The following RYR1 variants were observed in gnomAD, a reference collection of about 807,000 sequenced individuals.
The protein encoded by RYR1 is ryanodine receptor 1, also known as central core disease of muscle.
In RYR1, 342 loss-of-function variants were observed where a neutral mutation model predicts 583.5. That is an observed-to-expected ratio of 0.59 (90% CI 0.54 to 0.64). The LOEUF (loss-of-function observed/expected upper bound fraction) is 0.64. Among genes scored for constraint, RYR1 ranks in the 30% least tolerant of loss-of-function variants. The pLI is 0.00. For synonymous variants in RYR1, 2,791 were observed against 2,822.5 expected, an observed-to-expected ratio of 0.99 and a Z score of 0.35; for missense variants, 6,032 against 6,917.2, an observed-to-expected ratio of 0.87 and a Z score of 4.54.
intron 102 of RYR1, among the ~76,000 whole-genome samples, chr19:38,585,655 T>G (rs949666470): frequency 5.9e-5 from 9 of 151,426 alleles, no homozygotes; most frequent in Non-Finnish European, 2.9e-5. Flanking sequence ...TTTTATTTTT[T>G]TATTGTTAGT....
At chr19:38,498,352 G>GCAGAAGGA (rs1969942700) in intron 42 of RYR1, among the ~76,000 whole-genome samples, 1 of 152,088 alleles carries the variant, frequency 6.6e-6, no homozygotes, top group Non-Finnish European at 1.5e-5. Context: ...TGAGGGGAAG[G>GCAGAAGGA]CAGAAGGACA....
At chr19:38,492,457 A>C in intron 37 of RYR1, 33 bp from the exon 38 acceptor site, 1 of 1,613,566 alleles carries the variant, frequency 6.2e-7, no homozygotes, top group Non-Finnish European at 8.5e-7. Flanking sequence ...CAAACTAATG[A>C]ATGACATTTC....
intron 88 of RYR1, 130 bp from the exon 89 acceptor site, chr19:38,548,103 G>T (rs1972509239): frequency 1.0e-6 from 1 of 977,924 alleles, no homozygotes. Flanking sequence ...AGGGACCTGT[G>T]GAGGGGAGGC....
At chr19:38,584,160 G>A (rs978037736) in intron 101 of RYR1, among the ~76,000 whole-genome samples, 10 of 151,722 alleles carry the variant, frequency 6.6e-5, no homozygotes, top group African/African-American at 2.2e-4. Context: ...AAAGCTTCCA[G>A]TGCTTCCCCT....
Position 38,577,800 on chromosome 19 carries a change from A to C in RYR1, c.14173-118A>C. On this transcript the variant is annotated intron_variant, in intron 97 of 105. Transcript: ENST00000359596. ...GACAGAGGGAGACTGTCTCAAAAAA[A>C]AAAATGCACCTCCCATTTCTCACTC... The C allele has an allele frequency of 1.4e-6, 2 of 1,410,194 alleles. 1 individual carries two copies. Among genetic ancestry groups the C allele is most frequent in the South Asian group, 2.6e-5 (2 of 78,296 alleles). The allele number at this position is 1,410,194 out of a possible 1,614,324, so 87.4% of individuals were successfully genotyped here.
chr19:38,522,620 AAG>A (rs34878100), intron 67 of RYR1, among the ~76,000 whole-genome samples: 15 of 148,644 alleles, frequency 1.0e-4, no homozygotes, highest in Non-Finnish European at 1.2e-4. Flanking sequence ...GAAAGAAAGA[AAG>A]AGAGAGAGAG....
At chr19:38,514,283 T>A (rs1363092705) in intron 63 of RYR1, among the ~76,000 whole-genome samples, 1 of 64,440 alleles carries the variant, frequency 1.6e-5, no homozygotes, top group Non-Finnish European at 2.7e-5. Flanking sequence ...TTTTTTTTAA[T>A]TTTTTTTTTT....
Position 38,538,178 on chromosome 19 carries a change from T to C in RYR1, c.11689+218T>C, listed in dbSNP as rs2960312. Among the ~76,000 whole-genome samples, 6,029 of 152,116 alleles carry C rather than the reference T, an allele frequency of 0.04. 401 individuals are homozygous for C. The highest frequency in any genetic ancestry group is 0.14 in the African/African-American group (5,643 of 41,452). On this transcript the variant is annotated intron_variant, in intron 84 of 105. Coordinates refer to ENST00000359596, the MANE Select transcript of RYR1 (RefSeq NM_000540.3). ...TTTGGGAGGCAAAGGCTGGTGGATC[T>C]CCTGAGGTCAGGAGTTCGAGACCAG...
chr19:38,500,780 G>A lies in RYR1; in HGVS notation c.7445-41G>A, dbSNP rs753341929. The A allele has an allele frequency of 1.2e-6, 2 of 1,614,014 alleles. No homozygotes were observed. Among genetic ancestry groups the A allele is most frequent in the Admixed American group, 3.3e-5 (2 of 60,020 alleles). On this transcript the variant is annotated intron_variant, in intron 46 of 105. Coordinates refer to ENST00000359596, the MANE Select transcript of RYR1 (RefSeq NM_000540.3). This position sits in a 1 kb window ranked among gnomAD's most constrained non-coding sequence, Gnocchi z 5.9. ...AGTGATGCTGGGGAGGGAGCGGCTG[G>A]GTCCGCAGGGCATCCCCGAACCCAC...
chr19:38,577,800 A>G, intron 97 of RYR1, 118 bp from the exon 98 acceptor site: 1 of 1,410,194 alleles, frequency 7.1e-7, no homozygotes, highest in African/African-American at 1.4e-5. Context: ...TCTCAAAAAA[A>G]AAAATGCACC....
chr19:38,494,838 A>T (rs917173975), intron 39 of RYR1, among the ~76,000 whole-genome samples: 1 of 140,942 alleles, frequency 7.1e-6, no homozygotes, highest in African/African-American at 2.7e-5. Flanking sequence ...TCAGCAGGAC[A>T]TTCCCCACCC....
rs953087404 is a variant in RYR1, at chr19:38,489,073, G to C, written c.5548-104G>C. The stretch of plus-strand genomic sequence containing the variant: ...GGAGGAATCGGATCAGCCAATGCAG[G>C]AATGATTGGCATGTGCATGAGGGGC... On this transcript the variant is annotated intron_variant, in intron 34 of 105. Transcript: ENST00000359596. 5.0e-6 allele frequency: 5 copies of C among 1,004,516 alleles called. No individual in the cohort carries two copies. In the African/African-American group the frequency reaches 6.3e-5, roughly 13 times the overall value. 62.2% of individuals were successfully genotyped at this position (1,004,516 alleles called of 1,614,324 possible).
chr19:38,463,380 G>C (rs1221235225), intron 20 of RYR1, 43 bp from the exon 21 acceptor site: 1 of 1,551,454 alleles, frequency 6.4e-7, no homozygotes, highest in East Asian at 2.3e-5. Context: ...ATGGAGGAGG[G>C]TAGAGGGACC....
intron 93 of RYR1, among the ~76,000 whole-genome samples, chr19:38,568,460 G>T (rs1272345653): frequency 6.6e-6 from 1 of 151,922 alleles, no homozygotes; most frequent in Non-Finnish European, 1.5e-5. Flanking sequence ...GGGAGGCTGG[G>T]CACGGTGGGT....
rs750818753 is a variant in RYR1, at chr19:38,473,426, C to T, written c.3815C>T (p.Thr1272Ile). ...TVDTPPCLRL[T>I]HRTWGSQNSL... is the part of the protein sequence containing the mutation. ...GACACGCCCCCCTGCCTGCGCCTGA[C>T]CCACCGCACCTGGGGCTCCCAGAAC... Residue 1272 changes from threonine to isoleucine, a missense_variant, in exon 28 of 106, where the codon ACC (threonine) becomes ATC (isoleucine). Thr to Ile is a moderately conservative substitution (Grantham distance 89, BLOSUM62 -1). Around this residue, in one of 11 missense-constraint regions of RYR1, gnomAD observed 2,627 missense variants for 2,961.3 expected, o/e 0.89. Transcript: ENST00000359596. 6.8e-6 allele frequency: 11 copies of T among 1,613,802 alleles called. No individual in the cohort carries two copies. The highest frequency in any genetic ancestry group is 9.3e-6 in the Non-Finnish European group (11 of 1,179,974).
At chr19:38,585,193 C>T (rs1263089797) in intron 102 of RYR1, 94 bp downstream of exon 102, 1 of 1,419,418 alleles carries the variant, frequency 7.0e-7, no homozygotes, top group African/African-American at 1.4e-5. Context: ...GCATTCATAC[C>T]CCATCTCTAC....
intron 34 of RYR1, 87 bp downstream of exon 34, chr19:38,486,289 T>G (rs1444625422): frequency 6.6e-7 from 1 of 1,520,558 alleles, no homozygotes; most frequent in African/African-American, 1.4e-5. Flanking sequence ...CCTCCTCTAT[T>G]TATGCATCCA....
intron 39 of RYR1, among the ~76,000 whole-genome samples, chr19:38,495,962 C>T (rs568036919): frequency 6.6e-6 from 1 of 151,986 alleles, no homozygotes; most frequent in East Asian, 1.9e-4. Flanking sequence ...GGGGTTTCAC[C>T]ATGTTGGCCA....
intron 31 of RYR1, among the ~76,000 whole-genome samples, chr19:38,482,751 G>A (rs1969074334): frequency 6.6e-6 from 1 of 152,126 alleles, no homozygotes; most frequent in Non-Finnish European, 1.5e-5. Context: ...CACTCTCTGG[G>A]TTTTGAATGA....
Sources: allele counts gnomAD v4.1 joint callset (sites outside exome capture counted in the v4.1 genomes callset), GRCh38; gene constraint gnomAD v4.1.1; regional missense constraint gnomAD v4.1.1; non-coding constraint Gnocchi (gnomAD v3.1); transcripts MANE v1.5; gene names NCBI Gene and HGNC (gene_info 2026-07-23, HGNC 2026-07-21).